PPFIA2: variants seen among roughly 807,000 people sequenced by gnomAD.
PPFIA2 encodes the protein PPFI scaffold protein A2, also known as liprin-alpha-2.
A neutral mutation model predicts 175.5 loss-of-function variants in PPFIA2; 46 were observed. The ratio of observed to expected loss-of-function variants is 0.26; its 90% CI spans 0.21 to 0.34. PPFIA2 has a LOEUF of 0.34. Ranked by LOEUF, PPFIA2 falls within the 10% of genes least tolerant of loss-of-function variation. The probability of loss-of-function intolerance (pLI) is 1.00; values close to 1 mark genes in which losing one functional copy is unlikely to be tolerated. For synonymous variants in PPFIA2, 568 were observed against 511.4 expected (o/e 1.11, Z -1.49); for missense variants, 1,179 against 1,506.1 (o/e 0.78, Z 3.60).
At chr12:81,491,969 C>A (rs1386855909) in intron 4 of PPFIA2, among the ~76,000 whole-genome samples, 4 of 151,894 alleles carry the variant, frequency 2.6e-5, no homozygotes, top group Non-Finnish European at 5.9e-5. Context: ...GTTTCTAAAT[C>A]CTATATACTT....
chr12:81,318,179 T>A (rs1329480829), intron 22 of PPFIA2, among the ~76,000 whole-genome samples: 2 of 151,674 alleles, frequency 1.3e-5, no homozygotes, highest in Non-Finnish European at 3.0e-5. Context: ...CTACCAGTCT[T>A]TGAGGACATG....
At position 81,489,125 on chromosome 12, in the gene PPFIA2, T is replaced by C. The variant is rs544242412; in HGVS notation, c.304-31259A>G. On this transcript the variant is annotated intron_variant, in intron 4 of 32. Coordinates refer to ENST00000549396, the MANE Select transcript of PPFIA2 (RefSeq NM_003625.5). ...ATACAAAAATAATAAACTACAGTAATTGGAATTATTAATGACTCAGGTATT... is the reference window on the plus strand; with the variant it reads ...ATACAAAAATAATAAACTACAGTAACTGGAATTATTAATGACTCAGGTATT... Among the ~76,000 whole-genome samples the C allele has an allele frequency of 3.8e-3, 572 of 151,908 alleles. 3 individuals carry two copies. Among genetic ancestry groups the C allele is most frequent in the African/African-American group, 0.013 (537 of 41,490 alleles).
intron 4 of PPFIA2, among the ~76,000 whole-genome samples, chr12:81,552,999 G>A (rs1468719998): frequency 6.6e-6 from 1 of 151,850 alleles, no homozygotes; most frequent in Non-Finnish European, 1.5e-5. Flanking sequence ...TCATCACTGA[G>A]GACACAGAAA....
At chr12:81,395,038 A>C (rs973105272) in intron 8 of PPFIA2, among the ~76,000 whole-genome samples, 5 of 152,036 alleles carry the variant, frequency 3.3e-5, no homozygotes, top group Admixed American at 3.3e-4. Flanking sequence ...CTGAAAAGGA[A>C]GAGAAGAGAA....
chr12:81,681,193 A>G (rs546605788), intron 3 of PPFIA2, among the ~76,000 whole-genome samples: 47 of 152,046 alleles, frequency 3.1e-4, no homozygotes, highest in Non-Finnish European at 5.7e-4. Context: ...AATTTTTATC[A>G]TCAATGCTGA....
chr12:81,299,266 A>T, intron 23 of PPFIA2, 35 bp downstream of exon 23: 1 of 1,559,146 alleles, frequency 6.4e-7, no homozygotes, highest in East Asian at 2.4e-5. Flanking sequence ...CTTAGTAGTG[A>T]TTGATTCAAG....
At chr12:81,399,336 C>A (rs1423185436) in intron 8 of PPFIA2, among the ~76,000 whole-genome samples, 2 of 144,156 alleles carry the variant, frequency 1.4e-5, no homozygotes, top group Non-Finnish European at 1.5e-5. Context: ...TACCTCAAAT[C>A]CTGGCTAATA....
intron 9 of PPFIA2, among the ~76,000 whole-genome samples, chr12:81,377,338 G>C (rs1018978789): frequency 6.6e-6 from 1 of 152,126 alleles, no homozygotes; most frequent in Non-Finnish European, 1.5e-5. Context: ...TTGAGGTCAG[G>C]AGTTCGAGAC....
chr12:81,521,823 A>C (rs34920265), intron 4 of PPFIA2, among the ~76,000 whole-genome samples: 11,493 of 151,562 alleles, frequency 0.076, 554 homozygotes, highest in East Asian at 0.2. Context: ...ATCTCACAAA[A>C]AAAAAAAAAA....
intron 24 of PPFIA2, among the ~76,000 whole-genome samples, chr12:81,290,597 A>C (rs2044668507): frequency 6.6e-6 from 1 of 151,924 alleles, no homozygotes; most frequent in Admixed American, 6.6e-5. Flanking sequence ...AATAAAGATA[A>C]GTTGGGAAGG....
chr12:81,383,806 T>G (rs575569948), intron 9 of PPFIA2, among the ~76,000 whole-genome samples: 1 of 152,196 alleles, frequency 6.6e-6, no homozygotes, highest in Non-Finnish European at 1.5e-5. Context: ...TGACCCTTGA[T>G]AGCACAAATT....
chr12:81,435,174 G>A (rs1347303755), intron 7 of PPFIA2, among the ~76,000 whole-genome samples: 2 of 152,172 alleles, frequency 1.3e-5, no homozygotes, highest in Non-Finnish European at 2.9e-5. Context: ...TGACCCACCA[G>A]AGCATAAGGC....
intron 4 of PPFIA2, chr12:81,545,979 CCAGAGGT>C (rs1180119816): frequency 1.3e-5 from 2 of 152,076 alleles, no homozygotes; most frequent in Non-Finnish European, 2.9e-5. Flanking sequence ...CAAAAATTAG[CCAGAGGT>C]GGTGGCATGT....
chr12:81,634,156 G>A (rs576896291), intron 4 of PPFIA2, among the ~76,000 whole-genome samples: 3 of 152,034 alleles, frequency 2.0e-5, no homozygotes, highest in Non-Finnish European at 4.4e-5. Context: ...GCAATAGCAG[G>A]TTTTGTTCTC....
At chr12:81,633,816 G>A (rs1011157788) in intron 4 of PPFIA2, among the ~76,000 whole-genome samples, 1 of 151,974 alleles carries the variant, frequency 6.6e-6, no homozygotes, top group Non-Finnish European at 1.5e-5. Flanking sequence ...AGGTAATTTT[G>A]TTTTTGTTTT....
At chr12:81,607,389 G>T (rs528617187) in intron 4 of PPFIA2, among the ~76,000 whole-genome samples, 133 of 152,128 alleles carry the variant, frequency 8.7e-4, no homozygotes, top group African/African-American at 3.1e-3. Flanking sequence ...ATTGCTTCAG[G>T]TGTATGGACA....
At chr12:81,311,105 T>C (rs941343682) in intron 22 of PPFIA2, among the ~76,000 whole-genome samples, 1 of 152,224 alleles carries the variant, frequency 6.6e-6, no homozygotes, top group Admixed American at 6.5e-5. Context: ...TCTACACCAA[T>C]GTAAATATTA....
intron 6 of PPFIA2, among the ~76,000 whole-genome samples, chr12:81,440,430 C>G (rs1037921891): frequency 6.6e-6 from 1 of 151,996 alleles, no homozygotes; most frequent in African/African-American, 2.4e-5. Context: ...AATACCCCAC[C>G]TTTTTCTCTA....
At position 81,502,918 on chromosome 12, in the gene PPFIA2, T is replaced by G. The variant is rs183357096; in HGVS notation, c.304-45052A>C. On this transcript the variant is annotated intron_variant, in intron 4 of 32. Transcript: ENST00000549396. ...TTGTACCACTCCACTGCTTCCCTGT[T>G]TGGAATGCCTCCTCTAGGACAAAAC... Among the ~76,000 whole-genome samples the G allele has an allele frequency of 6.1e-3, 926 of 152,224 alleles. 9 individuals are homozygous for G. The highest frequency in any genetic ancestry group is 0.021 in the African/African-American group (869 of 41,540).
Sources: allele counts gnomAD v4.1 joint callset (sites outside exome capture counted in the v4.1 genomes callset), GRCh38; gene constraint gnomAD v4.1.1; transcripts MANE v1.5; gene names NCBI Gene and HGNC (gene_info 2026-07-23, HGNC 2026-07-21).